Variants in ZNF487 observed in about 807,000 individuals in gnomAD.
ZNF487 encodes zinc finger protein 487, also known as KRAB domain only 1.
In ZNF487, 4 loss-of-function variants were observed where a neutral mutation model predicts 3.0. That is an observed-to-expected ratio of 1.35 (90% CI 0.66 to 3.08). The LOEUF is 3.08. Ranked by LOEUF, ZNF487 falls within the 30% of genes most tolerant of loss-of-function variation. ZNF487 has a pLI of 0.01. For synonymous variants in ZNF487, 55 were observed against 34.6 expected, an observed-to-expected ratio of 1.59 and a Z score of -2.06; for missense variants, 146 against 98.7, an observed-to-expected ratio of 1.48 and a Z score of -2.03.
At chr10:43,455,918 A>T (rs1218301946) in intron 1 of ZNF487, among the ~76,000 whole-genome samples, 1 of 152,244 alleles carries the variant, frequency 6.6e-6, no homozygotes, top group African/African-American at 2.4e-5. Flanking sequence ...GCTCTAGCAC[A>T]GTCCGGGAGC....
the ZNF487 span, among the ~76,000 whole-genome samples, chr10:43,494,722 C>T: frequency 2.1e-5 from 3 of 146,268 alleles, no homozygotes; most frequent in Non-Finnish European, 4.5e-5. Context: ...GAGTTTGAGA[C>T]CAGCCTGGCC....
chr10:43,497,619 A>C, the ZNF487 span, among the ~76,000 whole-genome samples: 9 of 152,154 alleles, frequency 5.9e-5, no homozygotes, highest in Non-Finnish European at 1.3e-4. Flanking sequence ...GTGTTCCCCA[A>C]ACAGGATTTG....
At chr10:43,456,812 C>G (rs966760679) in intron 1 of ZNF487, among the ~76,000 whole-genome samples, 16 of 152,106 alleles carry the variant, frequency 1.1e-4, no homozygotes, top group Non-Finnish European at 1.9e-4. Flanking sequence ...AACTCCTGAC[C>G]TCAGGTGATC....
At chr10:43,466,652 C>G (rs982729253) in intron 1 of ZNF487, among the ~76,000 whole-genome samples, 1 of 152,122 alleles carries the variant, frequency 6.6e-6, no homozygotes, top group East Asian at 1.9e-4. Context: ...CCACCCGCCT[C>G]GGCATCCCAT....
At chr10:43,465,687 G>T (rs1293769192) in intron 1 of ZNF487, among the ~76,000 whole-genome samples, 1 of 150,396 alleles carries the variant, frequency 6.6e-6, no homozygotes, top group Non-Finnish European at 1.5e-5. Flanking sequence ...GGGCAGAGAC[G>T]CTCCTCACTT....
intron 1 of ZNF487, among the ~76,000 whole-genome samples, chr10:43,470,466 C>T (rs944846154): frequency 6.6e-6 from 1 of 152,190 alleles, no homozygotes; most frequent in African/African-American, 2.4e-5. Context: ...TCACCGCAAC[C>T]TCCACCTCCC....
At chr10:43,464,573 T>G (rs193025945) in intron 1 of ZNF487, among the ~76,000 whole-genome samples, 1 of 152,244 alleles carries the variant, frequency 6.6e-6, no homozygotes, top group Non-Finnish European at 1.5e-5. Context: ...TGGTGATGAC[T>G]CTTGATGAGC....
At chr10:43,480,052 T>C (rs1311112265) in intron 3 of ZNF487, among the ~76,000 whole-genome samples, 11 of 149,528 alleles carry the variant, frequency 7.4e-5, no homozygotes, top group Non-Finnish European at 8.9e-5. Flanking sequence ...TCTTTTTCTT[T>C]CTTTCTTCCT....
chr10:43,454,975 AG>A (rs1221775441), intron 1 of ZNF487, among the ~76,000 whole-genome samples: 6 of 143,752 alleles, frequency 4.2e-5, no homozygotes, highest in African/African-American at 1.5e-4. Flanking sequence ...AAGGGATACG[AG>A]GCTGTGTGTG....
At chr10:43,440,722 C>T (rs1461212573) in intron 1 of ZNF487, among the ~76,000 whole-genome samples, 7 of 151,614 alleles carry the variant, frequency 4.6e-5, no homozygotes, top group African/African-American at 1.5e-4. Context: ...TGTGTAGTTC[C>T]GCCTCATGGC....
At chr10:43,450,599 C>T (rs1405652577) in intron 1 of ZNF487, among the ~76,000 whole-genome samples, 1 of 152,182 alleles carries the variant, frequency 6.6e-6, no homozygotes, top group Non-Finnish European at 1.5e-5. Flanking sequence ...ATCTGCCCGC[C>T]TCGGCCTCCC....
At chr10:43,484,588 C>T (rs563988800), downstream of ZNF487, among the ~76,000 whole-genome samples, 3 of 151,734 alleles carry the variant, frequency 2.0e-5, no homozygotes, top group Admixed American at 1.3e-4. Context: ...GCCTGGGCGA[C>T]GGAGCAAGAC....
intron 1 of ZNF487, among the ~76,000 whole-genome samples, chr10:43,463,154 A>C (rs1338940788): frequency 6.6e-6 from 1 of 151,854 alleles, no homozygotes; most frequent in African/African-American, 2.4e-5. Flanking sequence ...GAATTGCTTG[A>C]ACCCAGGAGG....
At chr10:43,480,713 C>CCT (rs1175183649) in intron 3 of ZNF487, among the ~76,000 whole-genome samples, 31 of 150,542 alleles carry the variant, frequency 2.1e-4, no homozygotes, top group African/African-American at 3.6e-4. Context: ...ACTGCGCCCA[C>CCT]CTCTCTCTCT....
At chr10:43,436,961 G>C, upstream of ZNF487, 2 of 453,522 alleles carry the variant, frequency 4.4e-6, no homozygotes, top group South Asian at 3.2e-5. Context: ...GCGGACAAGA[G>C]GGCAGCTGGT....
At chr10:43,493,550 G>C in the ZNF487 span, among the ~76,000 whole-genome samples, 1 of 151,466 alleles carries the variant, frequency 6.6e-6, no homozygotes, top group African/African-American at 2.4e-5. Context: ...AAATATCCAG[G>C]TGTGGTGATG....
the ZNF487 span, among the ~76,000 whole-genome samples, chr10:43,497,484 G>T: frequency 1.2e-4 from 18 of 152,304 alleles, no homozygotes; most frequent in African/African-American, 2.9e-4. Context: ...CAGCTGAGGG[G>T]TGGCAGATTG....
the ZNF487 span, among the ~76,000 whole-genome samples, chr10:43,504,293 C>CTTTTTTTT: frequency 3.3e-4 from 36 of 108,944 alleles, no homozygotes; most frequent in East Asian, 5.4e-4. Flanking sequence ...TTCTTTCTTT[C>CTTTTTTTT]TTTTTTTTTT....
intron 1 of ZNF487, among the ~76,000 whole-genome samples, chr10:43,470,386 C>CTATT (rs1020259496): frequency 2.6e-5 from 4 of 151,522 alleles, no homozygotes; most frequent in African/African-American, 7.3e-5. Context: ...GCTAATTTTT[C>CTATT]TATTTATTTA....
Sources: allele counts gnomAD v4.1 joint callset (sites outside exome capture counted in the v4.1 genomes callset), GRCh38; gene constraint gnomAD v4.1.1; transcripts MANE v1.5; gene names NCBI Gene and HGNC (gene_info 2026-07-23, HGNC 2026-07-21).